The following NUP210 variants were observed in gnomAD, a reference collection of about 807,000 sequenced individuals.
The protein encoded by NUP210 is nuclear pore membrane glycoprotein 210.
NUP210 carries 151 observed loss-of-function variants against 196.0 expected under a neutral mutation model. That is an observed-to-expected ratio of 0.77 (90% CI 0.67 to 0.88). The LOEUF (loss-of-function observed/expected upper bound fraction) is 0.88, where lower values mean the gene tolerates loss of function less well. Ranked by LOEUF, NUP210 falls within the 40% of genes least tolerant of loss-of-function variation. The pLI is 0.00. For missense variants in NUP210, 2,314 were observed against 2,493.7 expected (o/e 0.93, Z 1.53); for synonymous variants, 1,070 against 1,052.7 (o/e 1.02, Z -0.32).
At position 13,379,397 on chromosome 3, in the gene NUP210, G is replaced by A. The variant is rs1699028829; in HGVS notation, c.976+166C>T. Among the ~76,000 whole-genome samples the A allele has an allele frequency of 6.6e-6, 1 of 152,106 alleles. No homozygotes were observed. The highest frequency in any genetic ancestry group is 2.4e-5 in the African/African-American group (1 of 41,426). On this transcript the variant is annotated intron_variant, in intron 7 of 39. Coordinates refer to ENST00000254508, the MANE Select transcript of NUP210 (RefSeq NM_024923.4). The surrounding 1 kb of genome is among the most constrained non-coding windows in gnomAD (Gnocchi z 4.2). Reference sequence around the variant, plus strand: ...CCTCTGGGGTGAGTCACCCACAGCCGTGAGCAATTCCACTCAGCAGTGCTA... The same window carrying A: ...CCTCTGGGGTGAGTCACCCACAGCCATGAGCAATTCCACTCAGCAGTGCTA...
In NUP210 at chr3:13,388,108, C is replaced by T. The variant is rs142442714; in HGVS notation, c.684+195G>A. ...GAGATGCTTTCTGGGGCCTCAACCA[C>T]CTTTCTTTGTAAGCTGAGGCTCAAA... On this transcript the variant is annotated intron_variant, in intron 5 of 39. Coordinates refer to ENST00000254508, the MANE Select transcript of NUP210 (RefSeq NM_024923.4). 2.9e-3 allele frequency among the ~76,000 whole-genome samples: 446 copies of T among 152,292 alleles called. 3 individuals are homozygous for T. The highest frequency in any genetic ancestry group is 0.01 in the African/African-American group (419 of 41,556).
chr3:13,384,819 T>G (rs989342145), intron 6 of NUP210, among the ~76,000 whole-genome samples: 2 of 152,208 alleles, frequency 1.3e-5, no homozygotes, highest in Non-Finnish European at 2.9e-5. Context: ...TCCTCAGAAC[T>G]CTATCTTGGA....
chr3:13,408,657 G>A (rs6442384), intron 1 of NUP210, among the ~76,000 whole-genome samples: 33,719 of 151,798 alleles, frequency 0.22, 5,896 homozygotes, highest in African/African-American at 0.49. Context: ...GCATCATGGC[G>A]TGCACCTGTA....
At chr3:13,404,234 C>T (rs958340540) in intron 1 of NUP210, among the ~76,000 whole-genome samples, 4 of 152,292 alleles carry the variant, frequency 2.6e-5, no homozygotes, top group South Asian at 2.1e-4. Context: ...GCCTTCCTCA[C>T]AGGGGTGTGT....
chr3:13,324,217 A>G (rs1358043115), intron 33 of NUP210, among the ~76,000 whole-genome samples: 2 of 151,846 alleles, frequency 1.3e-5, no homozygotes, highest in Non-Finnish European at 2.9e-5. Context: ...GGACCCCCCA[A>G]CGCTGGCCCT....
rs922110691 is a variant in NUP210, at chr3:13,348,643, T to C, written c.2835+3236A>G. 1.8e-5 allele frequency: 18 copies of C among 985,286 alleles called. No homozygotes were observed. Among genetic ancestry groups the C allele is most frequent in the Middle Eastern group, 5.2e-4 (1 of 1,936 alleles). 61.0% of individuals were successfully genotyped at this position (985,286 alleles called of 1,614,324 possible). ...TCTTCTATGAGGGGATAAGAATGCT[T>C]AGGAGACGCTGCTTGTGGTCTCAGG... On this transcript the variant is annotated intron_variant, in intron 20 of 39. Transcript: ENST00000254508. The surrounding 1 kb of genome is among the most constrained non-coding windows in gnomAD (Gnocchi z 4.0).
At chr3:13,322,472 C>A (rs868600759) in intron 34 of NUP210, 133 bp from the exon 35 acceptor site, 4 of 943,252 alleles carry the variant, frequency 4.2e-6, no homozygotes, top group Non-Finnish European at 6.4e-6. Context: ...GGCCCCAGGG[C>A]GGCTCAAAGC....
At chr3:13,366,160 G>C in intron 13 of NUP210, 69 bp from the exon 14 acceptor site, 2 of 1,481,704 alleles carry the variant, frequency 1.3e-6, no homozygotes, top group Non-Finnish European at 1.8e-6. Context: ...ATGGAGTCTC[G>C]CTGTGTTGCC....
intron 14 of NUP210, among the ~76,000 whole-genome samples, chr3:13,362,760 C>G (rs1419614967): frequency 6.6e-6 from 1 of 152,052 alleles, no homozygotes; most frequent in Admixed American, 6.5e-5. Context: ...CAGGCGTGGC[C>G]CCTGTTTCCT....
rs1027926160 is a variant in NUP210 at position 13,317,012 on chromosome 3, G to A, written c.*669C>T. ...TATGAAACAAAAACAGAGGACTGAA[G>A]TCTGTTCACAGTGGCCCATGGTTGG... On this transcript the variant is annotated 3_prime_UTR_variant, in exon 40 of 40. Transcript: ENST00000254508. 6.5e-6 allele frequency: 1 copy of A among 152,854 alleles called. No homozygotes were observed. Among genetic ancestry groups the A allele is most frequent in the Non-Finnish European group, 1.5e-5 (1 of 68,552 alleles). 9.5% of individuals were successfully genotyped at this position (152,854 alleles called of 1,614,324 possible). A position where few individuals can be genotyped will look rare whatever the true frequency, so the allele number is the denominator to read the frequency against.
chr3:13,397,628 A>G (rs779636034), intron 2 of NUP210, 140 bp from the exon 3 acceptor site: 53 of 781,348 alleles, frequency 6.8e-5, no homozygotes, highest in Non-Finnish European at 9.1e-5. Context: ...GCTGCCTCAC[A>G]CATGGCCCCA....
Position 13,339,998 on chromosome 3 carries a change from G to A in NUP210, c.3327C>T (p.Asn1109=), listed in dbSNP as rs751877099. The A allele has an allele frequency of 3.7e-6, 6 of 1,614,056 alleles. No homozygotes were observed. The highest frequency in any genetic ancestry group is 5.1e-6 in the Non-Finnish European group (6 of 1,180,040). Residue 1109 remains asparagine (N), a synonymous_variant, in exon 25 of 40, where the codon AAC becomes AAT. Coordinates refer to ENST00000254508, the MANE Select transcript of NUP210 (RefSeq NM_024923.4). ...TSEGGPQPQS[N]ILFSISNESV... is the part of the protein sequence containing the mutation. ...TCTCATTGCTGATGGAGAAAAGGAT[G>A]TTGGACTGAGGCTGGGGGCCGCCCT...
chr3:13,322,431 A>C, intron 34 of NUP210, 92 bp from the exon 35 acceptor site: 1 of 1,389,412 alleles, frequency 7.2e-7, no homozygotes, highest in Non-Finnish European at 1.0e-6. Flanking sequence ...TGGGCTGCAA[A>C]TGCCACCTGC....
At chr3:13,322,442 C>T (rs965709109) in intron 34 of NUP210, 103 bp from the exon 35 acceptor site, 8 of 1,287,544 alleles carry the variant, frequency 6.2e-6, no homozygotes, top group Admixed American at 2.0e-5. Context: ...TGCCACCTGC[C>T]CCTGCATGTC....
At chr3:13,330,410 T>C in intron 30 of NUP210, 50 bp downstream of exon 30, 2 of 1,552,854 alleles carry the variant, frequency 1.3e-6, no homozygotes, top group Non-Finnish European at 1.8e-6. Flanking sequence ...GCATATTACC[T>C]CAGTGCTATT....
chr3:13,335,027 G>C (rs1697153252), intron 28 of NUP210, among the ~76,000 whole-genome samples: 1 of 152,168 alleles, frequency 6.6e-6, no homozygotes, highest in Non-Finnish European at 1.5e-5. Context: ...CTTCACCTGA[G>C]GACTGGAGGC....
rs376153917 is a variant in NUP210, at chr3:13,346,761, T to C, written c.2836-3458A>G. 1.2e-4 allele frequency among the ~76,000 whole-genome samples: 18 copies of C among 152,270 alleles called. 1 individual carries two copies. The South Asian group carries it at 2.5e-3, about 21-fold the overall frequency. Reference sequence around the variant, plus strand: ...CTATTTTTGAATGTCACTGGAGTCATCGGCTTCCATTTCCTGCAGGCTGCT... The same window carrying C: ...CTATTTTTGAATGTCACTGGAGTCACCGGCTTCCATTTCCTGCAGGCTGCT... On this transcript the variant is annotated intron_variant, in intron 20 of 39. Transcript: ENST00000254508.
Position 13,340,057 on chromosome 3 carries a change from G to T in NUP210, c.3292-24C>A, listed in dbSNP as rs370773753. 5 of 1,609,918 alleles carry T rather than the reference G, an allele frequency of 3.1e-6. No homozygotes were observed. The highest frequency in any genetic ancestry group is 3.4e-6 in the Non-Finnish European group (4 of 1,177,152). ...ACCTGAGCGGGGAGGAAACAGCGGC[G>T]TGTCAGTGCCCGTCATGCCAGGCAG... On this transcript the variant is annotated intron_variant, in intron 24 of 39. Coordinates refer to ENST00000254508, the MANE Select transcript of NUP210 (RefSeq NM_024923.4). This position sits in a 1 kb window ranked among gnomAD's most constrained non-coding sequence, Gnocchi z 4.0.
intron 14 of NUP210, 127 bp from the exon 15 acceptor site, chr3:13,360,618 T>C (rs1460081590): frequency 1.7e-5 from 11 of 647,222 alleles, no homozygotes; most frequent in African/African-American, 3.7e-5. Flanking sequence ...CATCTCCTGT[T>C]TGAAACTCAT....
Sources: allele counts gnomAD v4.1 joint callset (sites outside exome capture counted in the v4.1 genomes callset), GRCh38; gene constraint gnomAD v4.1.1; non-coding constraint Gnocchi (gnomAD v3.1); transcripts MANE v1.5; gene names NCBI Gene and HGNC (gene_info 2026-07-23, HGNC 2026-07-21).